Variants in SEC24D observed in about 807,000 individuals in gnomAD.
The protein encoded by SEC24D is SEC24 homolog D, COPII component, also known as protein transport protein Sec24D.
Under a neutral mutation model 116.9 loss-of-function variants are expected in SEC24D, and 69 were observed. That is an observed-to-expected ratio of 0.59 (90% CI 0.49 to 0.72). SEC24D has a LOEUF of 0.72. SEC24D is among the 30% of genes least tolerant of loss of function. The pLI, the probability that SEC24D is intolerant of heterozygous loss-of-function variation, is 0.00. For synonymous variants in SEC24D, 405 were observed against 442.8 expected, an observed-to-expected ratio of 0.91 and a Z score of 1.07; for missense variants, 1,131 against 1,264.1, an observed-to-expected ratio of 0.89 and a Z score of 1.60.
rs191779555 is a variant in SEC24D, at chr4:118,823,830, C to T, written c.248+790G>A. 8.5e-3 allele frequency among the ~76,000 whole-genome samples: 1,299 copies of T among 152,278 alleles called. 8 individuals carry two copies. Among genetic ancestry groups the T allele is most frequent in the Non-Finnish European group, 0.013 (875 of 68,020 alleles). ...CTGTGTTGTTTTTACTACAGCTCTG[C>T]CTTTTGATAATCCCTCACTGGCATC... On this transcript the variant is annotated intron_variant, in intron 3 of 22. Transcript: ENST00000280551.
At chr4:118,821,342 T>C (rs1277731974) in intron 3 of SEC24D, among the ~76,000 whole-genome samples, 2 of 152,160 alleles carry the variant, frequency 1.3e-5, no homozygotes, top group Non-Finnish European at 2.9e-5. Flanking sequence ...CACTTAAACT[T>C]GATTGATTGA....
intron 22 of SEC24D, among the ~76,000 whole-genome samples, chr4:118,726,101 T>G (rs1215535761): frequency 6.6e-6 from 1 of 152,226 alleles, no homozygotes. Context: ...TGGGTCACCT[T>G]ACCAGAGGTC....
At chr4:118,734,643 G>A (rs1725863140) in intron 19 of SEC24D, among the ~76,000 whole-genome samples, 2 of 152,174 alleles carry the variant, frequency 1.3e-5, no homozygotes, top group Admixed American at 1.3e-4. Context: ...TTCTCATGAT[G>A]TACTAAGTAA....
In SEC24D at chr4:118,732,870, T is replaced by C. The variant is rs78039284; in HGVS notation, c.2539A>G (p.Asn847Asp). The change falls in exon 20 of 23, where the codon AAT (asparagine) becomes GAT (aspartate). Residue 847 changes from asparagine to aspartate, a missense_variant. Transcript: ENST00000280551. ...AGTACACAGTTTTTCAACAAGCAAT[T>C]CATGTACACTGGCAATACTTTCATG... Reference protein sequence around the residue: ...DSMKVLPVYMNCLLKNCVLLS... With the variant: ...DSMKVLPVYMDCLLKNCVLLS... 6.2e-7 allele frequency: 1 copy of C among 1,613,858 alleles called. No individual in the cohort carries two copies. The highest frequency in any genetic ancestry group is 1.3e-5 in the African/African-American group (1 of 74,922).
At chr4:118,754,989 G>A (rs1015510643) in intron 11 of SEC24D, among the ~76,000 whole-genome samples, 2 of 152,070 alleles carry the variant, frequency 1.3e-5, no homozygotes, top group Non-Finnish European at 1.5e-5. Context: ...CATTGGATTT[G>A]GACATTTTCA....
At chr4:118,781,482 T>C (rs1171718896) in intron 8 of SEC24D, among the ~76,000 whole-genome samples, 1 of 152,240 alleles carries the variant, frequency 6.6e-6, no homozygotes, top group Non-Finnish European at 1.5e-5. Flanking sequence ...GGCTTCCCTT[T>C]GTGGGTAACC....
Position 118,752,719 on chromosome 4 carries a change from C to G in SEC24D, c.1591G>C (p.Glu531Gln), listed in dbSNP as rs775232085. The G allele has an allele frequency of 3.3e-5, 53 of 1,603,728 alleles. No homozygotes were observed. The highest frequency in any genetic ancestry group is 3.9e-5 in the Non-Finnish European group (46 of 1,176,864). Residue 531 changes from glutamate (E) to glutamine (Q), a missense_variant, in exon 12 of 23, where the codon GAA becomes CAA. Glu to Gln is a conservative substitution (Grantham distance 29). Transcript: ENST00000280551. ...TACTTATGAATCACAGATTGGGATT[C>G]TTGATAGTTGACAAGGAAACCATCC... ...LLDGFLVNYQ[E>Q]SQSVIHNLLD... is the part of the protein sequence containing the mutation.
At chr4:118,810,991 T>G (rs560302770) in intron 6 of SEC24D, among the ~76,000 whole-genome samples, 9 of 152,338 alleles carry the variant, frequency 5.9e-5, no homozygotes, top group Non-Finnish European at 1.0e-4. Context: ...TAAACAGATG[T>G]GTCAAATTGC....
intron 8 of SEC24D, among the ~76,000 whole-genome samples, chr4:118,792,288 C>T (rs1475855792): frequency 2.0e-5 from 3 of 150,012 alleles, no homozygotes; most frequent in Non-Finnish European, 3.0e-5. Flanking sequence ...AGCCCCCGCC[C>T]GGCCAGCTGC....
chr4:118,765,031 T>C (rs1170995927), intron 9 of SEC24D, 114 bp from the exon 10 acceptor site: 1 of 647,194 alleles, frequency 1.5e-6, no homozygotes, highest in Non-Finnish European at 2.7e-6. Flanking sequence ...AAAAATGTAT[T>C]TTAAAGCTGG....
intron 11 of SEC24D, among the ~76,000 whole-genome samples, chr4:118,754,556 T>G (rs1726991686): frequency 1.3e-5 from 2 of 152,188 alleles, no homozygotes; most frequent in Admixed American, 1.3e-4. Flanking sequence ...TTATGTTATC[T>G]GTCCCCTGAG....
intron 8 of SEC24D, among the ~76,000 whole-genome samples, chr4:118,769,181 G>GA (rs1560666562): frequency 6.6e-6 from 1 of 152,054 alleles, no homozygotes; most frequent in Admixed American, 6.5e-5. Flanking sequence ...TAGTTTATCA[G>GA]AAAAAAACGT....
chr4:118,767,466 T>A (rs560482304), intron 9 of SEC24D, among the ~76,000 whole-genome samples: 1 of 152,316 alleles, frequency 6.6e-6, no homozygotes, highest in East Asian at 1.9e-4. Flanking sequence ...CTAGTAATCA[T>A]CACATGGTTC....
chr4:118,831,585 T>C (rs1730860148), intron 2 of SEC24D, among the ~76,000 whole-genome samples: 1 of 152,058 alleles, frequency 6.6e-6, no homozygotes, highest in South Asian at 2.1e-4. Context: ...ATTTGAAAAC[T>C]TTTTTAATCC....
chr4:118,815,748 C>G, intron 4 of SEC24D, 22 bp from the exon 5 acceptor site: 2 of 1,611,118 alleles, frequency 1.2e-6, no homozygotes, highest in Non-Finnish European at 1.7e-6. Flanking sequence ...AGGAGACCAG[C>G]CCACTTAAAT....
At chr4:118,817,234 G>T in intron 4 of SEC24D, 30 bp downstream of exon 4, 1 of 1,562,618 alleles carries the variant, frequency 6.4e-7, no homozygotes, top group Non-Finnish European at 8.7e-7. Context: ...ACACAAGGCA[G>T]TCAATAAACA....
chr4:118,745,139 A>G (rs571995929), intron 13 of SEC24D, 79 bp from the exon 14 acceptor site: 27 of 812,742 alleles, frequency 3.3e-5, no homozygotes, highest in South Asian at 2.3e-4. Context: ...AAAATAAAAT[A>G]TAAGTTCTTT....
chr4:118,775,702 T>C (rs549165815), intron 8 of SEC24D, among the ~76,000 whole-genome samples: 3 of 152,286 alleles, frequency 2.0e-5, no homozygotes, highest in East Asian at 3.9e-4. Context: ...GGAATTCTGA[T>C]AGAAGTTAGT....
At chr4:118,741,763 G>A (rs1726233228) in intron 15 of SEC24D, among the ~76,000 whole-genome samples, 1 of 152,194 alleles carries the variant, frequency 6.6e-6, no homozygotes, top group Non-Finnish European at 1.5e-5. Context: ...GAAAGAGGGA[G>A]ATCATAGACA....
Sources: gnomAD v4.1 joint callset for allele counts (sites outside exome capture counted in the v4.1 genomes callset) on GRCh38, gnomAD v4.1.1 for gene constraint, MANE v1.5 for transcripts, NCBI Gene and HGNC (gene_info 2026-07-23, HGNC 2026-07-21) for gene names.